SEPTIN11: variants seen among roughly 807,000 people sequenced by gnomAD.
SEPTIN11 encodes the protein septin 11.
In SEPTIN11, 25 loss-of-function variants were observed where a neutral mutation model predicts 51.4. That is an observed-to-expected ratio of 0.49 (90% CI 0.35 to 0.68). The LOEUF is 0.68. SEPTIN11 is among the 30% of genes least tolerant of loss of function. SEPTIN11 has a pLI of 0.00. For missense variants in SEPTIN11, 381 were observed against 520.8 expected (o/e 0.73, Z 2.61); for synonymous variants, 174 against 184.1 (o/e 0.95, Z 0.44).
intron 1 of SEPTIN11, among the ~76,000 whole-genome samples, chr4:76,966,627 C>G (rs112891380): frequency 6.6e-6 from 1 of 151,498 alleles, no homozygotes; most frequent in Non-Finnish European, 1.5e-5. Context: ...TTTGGGAGGC[C>G]GAGGAAGATA....
intron 1 of SEPTIN11, among the ~76,000 whole-genome samples, chr4:76,966,672 G>A (rs1198181810): frequency 1.3e-5 from 2 of 151,862 alleles, no homozygotes; most frequent in South Asian, 4.2e-4. Flanking sequence ...GACCAGCCCC[G>A]GCAACATGGT....
At chr4:76,958,975 A>G (rs1721684775) in intron 1 of SEPTIN11, 7 of 905,812 alleles carry the variant, frequency 7.7e-6, no homozygotes, top group Non-Finnish European at 1.3e-5. Context: ...CATACTCTAA[A>G]GCAACATCCT....
chr4:76,953,710 A>G (rs191660798), intron 1 of SEPTIN11, among the ~76,000 whole-genome samples: 20 of 152,222 alleles, frequency 1.3e-4, no homozygotes, highest in African/African-American at 4.6e-4. Flanking sequence ...GAGGCTCTAT[A>G]AGCAGTTATT....
chr4:76,956,993 T>TGTGTGTGAGA lies in SEPTIN11; in HGVS notation c.27+7064_27+7065insTGTGTGAGAG, dbSNP rs769320568. On this transcript the variant is annotated intron_variant, in intron 1 of 9. Transcript: ENST00000264893. ...GTGTGTGTGTGTGTGTGTGTGTGTG[T>TGTGTGTGAGA]GAGAGAGAGAGAGACAGAGACAGAG... is the stretch of plus-strand genomic sequence containing the variant. 1.2e-3 allele frequency among the ~76,000 whole-genome samples: 122 copies of TGTGTGTGAGA among 98,570 alleles called. 1 individual carries two copies. Among genetic ancestry groups the TGTGTGTGAGA allele is most frequent in the African/African-American group, 3.3e-3 (100 of 30,560 alleles). 64.7% of individuals were successfully genotyped at this position (98,570 alleles called of 152,430 possible).
At chr4:76,993,406 G>A (rs748678725) in intron 1 of SEPTIN11, among the ~76,000 whole-genome samples, 29 of 152,098 alleles carry the variant, frequency 1.9e-4, no homozygotes, top group Non-Finnish European at 2.9e-4. Context: ...TAGTGTTAAC[G>A]ACATGGAATA....
intron 2 of SEPTIN11, among the ~76,000 whole-genome samples, chr4:77,003,762 A>G (rs764921877): frequency 2.6e-5 from 4 of 152,256 alleles, no homozygotes; most frequent in Non-Finnish European, 5.9e-5. Flanking sequence ...TACAGAATTT[A>G]TAACTAGTAA....
chr4:76,974,405 G>A, intron 1 of SEPTIN11: 1 of 164,874 alleles, frequency 6.1e-6, no homozygotes, highest in Non-Finnish European at 1.3e-5. Flanking sequence ...TTTTGTTACT[G>A]GAGATTTCAT....
intron 8 of SEPTIN11, 116 bp downstream of exon 8, chr4:77,028,877 G>A (rs973575062): frequency 3.2e-5 from 36 of 1,131,846 alleles, no homozygotes; most frequent in Non-Finnish European, 3.6e-5. Flanking sequence ...ATTTTGTCAC[G>A]AGTGACCTGC....
chr4:76,996,320 C>T, intron 1 of SEPTIN11, 105 bp from the exon 2 acceptor site: 6 of 860,516 alleles, frequency 7.0e-6, no homozygotes, highest in Admixed American at 4.4e-5. Context: ...CTCCTTTTTC[C>T]ATGTATGTCA....
At chr4:77,028,503 A>T (rs1209539899) in intron 7 of SEPTIN11, 126 bp from the exon 8 acceptor site, 2 of 1,058,300 alleles carry the variant, frequency 1.9e-6, no homozygotes, top group Non-Finnish European at 1.4e-6. Context: ...CATTCTACTT[A>T]TGCTTTGATC....
chr4:76,980,712 T>C (rs939596420), intron 1 of SEPTIN11, among the ~76,000 whole-genome samples: 6 of 152,234 alleles, frequency 3.9e-5, no homozygotes, highest in African/African-American at 1.4e-4. Context: ...TTCCCTTAGC[T>C]TGCCATTCAT....
intron 1 of SEPTIN11, among the ~76,000 whole-genome samples, chr4:76,970,628 C>T (rs931275853): frequency 2.0e-5 from 3 of 152,188 alleles, no homozygotes. Context: ...ATTTTCATTT[C>T]ACCTGTTTTC....
intron 5 of SEPTIN11, among the ~76,000 whole-genome samples, chr4:77,016,367 G>A (rs2703157): frequency 0.63 from 93,722 of 149,628 alleles, 29,556 homozygotes; most frequent in Middle Eastern, 0.66. Flanking sequence ...CCTGTGTACT[G>A]CCGCCCGAGC....
intron 3 of SEPTIN11, among the ~76,000 whole-genome samples, chr4:77,010,308 C>T (rs1305441116): frequency 6.6e-6 from 1 of 152,062 alleles, no homozygotes. Flanking sequence ...TCCTCTATAA[C>T]TATCTCATTA....
chr4:76,971,578 AGATTT>A (rs1722244468), intron 1 of SEPTIN11, among the ~76,000 whole-genome samples: 1 of 151,898 alleles, frequency 6.6e-6, no homozygotes, highest in African/African-American at 2.4e-5. Context: ...ATTTAGATTT[AGATTT>A]AGATTAAGAT....
At chr4:76,968,055 C>T (rs1722099896) in intron 1 of SEPTIN11, among the ~76,000 whole-genome samples, 1 of 152,078 alleles carries the variant, frequency 6.6e-6, no homozygotes, top group Non-Finnish European at 1.5e-5. Flanking sequence ...AAATGTGGCT[C>T]CGCAAAAACA....
intron 3 of SEPTIN11, 77 bp from the exon 4 acceptor site, chr4:77,011,658 A>C (rs949692095): frequency 1.5e-6 from 2 of 1,372,902 alleles, no homozygotes; most frequent in African/African-American, 2.9e-5. Context: ...GGAGAGAAGA[A>C]GCCATTGTGA....
intron 8 of SEPTIN11, among the ~76,000 whole-genome samples, chr4:77,029,785 T>A (rs1726468937): frequency 6.6e-6 from 1 of 150,414 alleles, no homozygotes; most frequent in Non-Finnish European, 1.5e-5. Context: ...CACACACATA[T>A]ATATACACAC....
At position 77,038,193 on chromosome 4, in the gene SEPTIN11, T is replaced by C; in HGVS notation, c.*3681T>C. ...GAATTAAGACCTACAAAGTCTAGTT[T>C]GTATGTAGGTATGAAGGGAATTTTT... On this transcript the variant is annotated 3_prime_UTR_variant, in exon 10 of 10. Transcript: ENST00000264893. 1 of 985,632 alleles carries C rather than the reference T, an allele frequency of 1.0e-6. No individual in the cohort carries two copies. 61.1% of individuals were successfully genotyped at this position (985,632 alleles called of 1,614,324 possible). A position where few individuals can be genotyped will look rare whatever the true frequency, so the allele number is the denominator to read the frequency against.
Sources: allele counts gnomAD v4.1 joint callset (sites outside exome capture counted in the v4.1 genomes callset), GRCh38; gene constraint gnomAD v4.1.1; transcripts MANE v1.5; gene names NCBI Gene and HGNC (gene_info 2026-07-23, HGNC 2026-07-21).